Variants in FHIP2A observed in about 807,000 individuals in gnomAD.
The protein encoded by FHIP2A is family with sequence similarity 160 member B1.
In FHIP2A, 46 loss-of-function variants were observed where a neutral mutation model predicts 93.5. The ratio of observed to expected loss-of-function variants is 0.49; its 90% CI spans 0.39 to 0.63. The LOEUF (loss-of-function observed/expected upper bound fraction) is 0.63. Ranked by LOEUF, FHIP2A falls within the 20% of genes least tolerant of loss-of-function variation. The pLI, the probability that FHIP2A is intolerant of heterozygous loss-of-function variation, is 0.00. For missense variants in FHIP2A, 769 were observed against 909.7 expected, an observed-to-expected ratio of 0.85 and a Z score of 1.99; for synonymous variants, 332 against 326.5, an observed-to-expected ratio of 1.02 and a Z score of -0.18.
chr10:114,862,817 C>T lies in FHIP2A; in HGVS notation c.*1277C>T, dbSNP rs1290745927. On this transcript the variant is annotated 3_prime_UTR_variant, in exon 17 of 17. Transcript: ENST00000369248. Reference sequence around the variant, plus strand: ...TAAGCCGCAGCACTTTCTTCTTCATCTTTCCATTTACTGATATTTGGGGGA... The same window carrying T: ...TAAGCCGCAGCACTTTCTTCTTCATTTTTCCATTTACTGATATTTGGGGGA... 1 of 985,298 alleles carries T rather than the reference C, an allele frequency of 1.0e-6. No homozygotes were observed. Among genetic ancestry groups the T allele is most frequent in the Admixed American group, 6.2e-5 (1 of 16,256 alleles). 61.0% of individuals were successfully genotyped at this position (985,298 alleles called of 1,614,324 possible).
chr10:114,836,090 A>G, intron 4 of FHIP2A, 34 bp from the exon 5 acceptor site: 1 of 1,509,522 alleles, frequency 6.6e-7, no homozygotes, highest in Non-Finnish European at 9.0e-7. Flanking sequence ...AAAGTAGCCT[A>G]AGTTTAAAAA....
intron 16 of FHIP2A, among the ~76,000 whole-genome samples, chr10:114,881,355 A>G (rs1208242928): frequency 6.6e-6 from 1 of 152,158 alleles, no homozygotes; most frequent in African/African-American, 2.4e-5. Flanking sequence ...AAATAATCCC[A>G]GTTGTTTTAT....
At chr10:114,870,071 T>C (rs949462641) in intron 16 of FHIP2A, among the ~76,000 whole-genome samples, 3 of 152,188 alleles carry the variant, frequency 2.0e-5, no homozygotes, top group African/African-American at 7.2e-5. Context: ...TTAAGGCCAT[T>C]ATTAAAATTT....
At chr10:114,876,086 C>G (rs145682525) in intron 16 of FHIP2A, among the ~76,000 whole-genome samples, 314 of 152,112 alleles carry the variant, frequency 2.1e-3, no homozygotes, top group African/African-American at 6.9e-3. Flanking sequence ...CAGAAGAGAC[C>G]CGGGGCCCCC....
chr10:114,837,192 C>G (rs1470081966), intron 5 of FHIP2A, among the ~76,000 whole-genome samples: 1 of 152,190 alleles, frequency 6.6e-6, no homozygotes, highest in Non-Finnish European at 1.5e-5. Context: ...GTGTGAGCCA[C>G]CACACCTGGC....
In FHIP2A at chr10:114,847,227, T is replaced by C; in HGVS notation, c.1706T>C (p.Val569Ala). Residue 569 changes from valine to alanine, a missense_variant, in exon 12 of 17, where the codon GTA becomes GCA. Transcript: ENST00000369248. Reference protein sequence around the residue: ...NDGKTEVHKIVNSFLCLVPDD... With the variant: ...NDGKTEVHKIANSFLCLVPDD... The stretch of plus-strand genomic sequence containing the variant: ...GGAAAAACTGAAGTTCATAAAATTG[T>C]AAATAGGTGAGTTGCTATATAAAAT... 1.2e-6 allele frequency: 2 copies of C among 1,606,014 alleles called. No individual in the cohort carries two copies. Among genetic ancestry groups the C allele is most frequent in the Non-Finnish European group, 1.7e-6 (2 of 1,177,944 alleles).
chr10:114,865,323 T>G (rs528333619), downstream of FHIP2A, among the ~76,000 whole-genome samples: 1 of 152,318 alleles, frequency 6.6e-6, no homozygotes, highest in East Asian at 1.9e-4. Context: ...TATTTCTTAG[T>G]ATTTTTCTAA....
chr10:114,842,815 A>G, intron 5 of FHIP2A, 118 bp from the exon 6 acceptor site: 2 of 649,494 alleles, frequency 3.1e-6, no homozygotes, highest in Non-Finnish European at 5.4e-6. Context: ...CATGTGACAT[A>G]ACATCTATTG....
chr10:114,895,940 T>G (rs1188493009), intron 16 of FHIP2A, among the ~76,000 whole-genome samples: 2 of 152,192 alleles, frequency 1.3e-5, no homozygotes, highest in African/African-American at 4.8e-5. Context: ...CAATTTATTC[T>G]CATTACTCAG....
chr10:114,886,478 G>A (rs7082836), intron 16 of FHIP2A, among the ~76,000 whole-genome samples: 81,179 of 151,924 alleles, frequency 0.53, 22,014 homozygotes, highest in African/African-American at 0.62. Flanking sequence ...ATGTTAACGC[G>A]TGCTTTATTT....
intron 5 of FHIP2A, among the ~76,000 whole-genome samples, chr10:114,837,056 C>T (rs148560033): frequency 2.3e-4 from 35 of 152,134 alleles, no homozygotes; most frequent in African/African-American, 7.5e-4. Flanking sequence ...TGTGCACCAC[C>T]ACACCTGGCT....
downstream of FHIP2A, among the ~76,000 whole-genome samples, chr10:114,869,398 T>A (rs900388059): frequency 1.6e-4 from 24 of 152,208 alleles, no homozygotes; most frequent in Non-Finnish European, 5.9e-5. Flanking sequence ...CACAGAGCAT[T>A]TATGGTTCTA....
intron 13 of FHIP2A, among the ~76,000 whole-genome samples, chr10:114,853,221 T>G (rs1482089151): frequency 6.6e-6 from 1 of 152,216 alleles, no homozygotes; most frequent in Non-Finnish European, 1.5e-5. Context: ...CAGTAACTAT[T>G]TAGTATTTGT....
intron 16 of FHIP2A, chr10:114,899,448 C>T (rs368186880): frequency 2.1e-5 from 15 of 718,118 alleles, no homozygotes; most frequent in African/African-American, 8.7e-5. Flanking sequence ...AGGGATCAGC[C>T]GTCTTACCTT....
rs141307191 is a variant in FHIP2A, at chr10:114,834,911, T to A, written c.295-626T>A. ...ATTTCCAGGATGCAAAACCTGTCTA[T>A]GCAAAGGGCTGAATTTTCACATATG... On this transcript the variant is annotated intron_variant, in intron 3 of 16. Coordinates refer to ENST00000369248, the MANE Select transcript of FHIP2A (RefSeq NM_020940.4). 2.8e-3 allele frequency among the ~76,000 whole-genome samples: 421 copies of A among 152,344 alleles called. 4 individuals are homozygous for A. The highest frequency in any genetic ancestry group is 9.0e-3 in the African/African-American group (375 of 41,582).
chr10:114,872,041 T>G (rs1156701807), intron 16 of FHIP2A, among the ~76,000 whole-genome samples: 1 of 152,210 alleles, frequency 6.6e-6, no homozygotes, highest in Non-Finnish European at 1.5e-5. Flanking sequence ...TAATGTTATA[T>G]TTTATCTTCC....
rs1372913798 is a variant in FHIP2A, at chr10:114,822,139, G to T, written c.45+16G>T. On this transcript the variant is annotated intron_variant, in intron 1 of 16. Coordinates refer to ENST00000369248, the MANE Select transcript of FHIP2A (RefSeq NM_020940.4). ...CGTGGAGGCGGTAAGGCCGCGGGCT[G>T]CGGGCGCACGGCAGGCCGGGGATGG... 1 of 1,306,412 alleles carries T rather than the reference G, an allele frequency of 7.7e-7. No individual in the cohort carries two copies. Among genetic ancestry groups the T allele is most frequent in the Non-Finnish European group, 9.9e-7 (1 of 1,005,982 alleles). The allele number at this position is 1,306,412 out of a possible 1,614,324, so 80.9% of individuals were successfully genotyped here. A position where few individuals can be genotyped will look rare whatever the true frequency, so the allele number is the denominator to read the frequency against.
intron 14 of FHIP2A, among the ~76,000 whole-genome samples, chr10:114,856,654 A>T (rs921551424): frequency 1.3e-5 from 2 of 152,216 alleles, no homozygotes; most frequent in Admixed American, 1.3e-4. Context: ...TGAAAGATCT[A>T]CCCTGAATCT....
chr10:114,871,773 C>G (rs530732127), intron 16 of FHIP2A, among the ~76,000 whole-genome samples: 13 of 152,276 alleles, frequency 8.5e-5, no homozygotes, highest in Admixed American at 6.5e-4. Flanking sequence ...AGATTGTCAC[C>G]TGCACCCCAT....
Sources: gnomAD v4.1 joint callset for allele counts (sites outside exome capture counted in the v4.1 genomes callset) on GRCh38, gnomAD v4.1.1 for gene constraint, MANE v1.5 for transcripts, NCBI Gene and HGNC (gene_info 2026-07-23, HGNC 2026-07-21) for gene names.